Variants in MAML1 observed in about 807,000 individuals in gnomAD.
The protein encoded by MAML1 is mastermind-like protein 1.
MAML1 carries 14 observed loss-of-function variants against 77.1 expected under a neutral mutation model. The ratio of observed to expected loss-of-function variants is 0.18; its 90% CI spans 0.12 to 0.28. MAML1 has a LOEUF of 0.28. Among genes scored for constraint, MAML1 ranks in the 10% least tolerant of loss-of-function variants. The pLI, the probability that MAML1 is intolerant of heterozygous loss-of-function variation, is 1.00. For synonymous variants in MAML1, 516 were observed against 551.9 expected (o/e 0.93, Z 0.91); for missense variants, 1,217 against 1,327.8 (o/e 0.92, Z 1.30).
At chr5:179,753,358 T>A (rs1268375896) in intron 1 of MAML1, among the ~76,000 whole-genome samples, 1 of 152,206 alleles carries the variant, frequency 6.6e-6, no homozygotes, top group Non-Finnish European at 1.5e-5. Context: ...CGTTTTTACT[T>A]TTATTACCCT....
chr5:179,766,030 C>A lies in MAML1; in HGVS notation c.1020C>A (p.Ser340Arg). The A allele has an allele frequency of 6.3e-7, 1 of 1,594,658 alleles. No individual in the cohort carries two copies. The highest frequency in any genetic ancestry group is 8.5e-7 in the Non-Finnish European group (1 of 1,172,098). ...SSAPVSTDSPSLGGSQTLFHT... is the reference protein window; with the variant it reads ...SSAPVSTDSPRLGGSQTLFHT... ...CCCCTGTGAGTACAGATTCCCCCAG[C>A]CTAGGGGGCTCCCAAACCTTATTCC... Residue 340 changes from serine to arginine, a missense_variant, in exon 2 of 5, where the codon AGC becomes AGA. Physicochemically the swap from Ser to Arg is moderately radical, Grantham distance 110. Transcript: ENST00000292599. This position sits in a 1 kb window ranked among gnomAD's most constrained non-coding sequence, Gnocchi z 4.0.
At position 179,769,155 on chromosome 5, in the gene MAML1, A is replaced by C; in HGVS notation, c.1971+66A>C. The C allele has an allele frequency of 1.3e-6, 2 of 1,591,122 alleles. No individual in the cohort carries two copies. ...TGCCTGCACCCTGCGTCACTGCTAC[A>C]GTCACACCTTCTGCTTGTGCGTGTG... On this transcript the variant is annotated intron_variant, in intron 3 of 4. Coordinates refer to ENST00000292599, the MANE Select transcript of MAML1 (RefSeq NM_014757.5). The surrounding 1 kb of genome is among the most constrained non-coding windows in gnomAD (Gnocchi z 4.2).
rs747779862 is a variant in MAML1 at position 179,774,708 on chromosome 5, A to G, written c.2882A>G (p.Tyr961Cys). 1.3e-5 allele frequency: 21 copies of G among 1,610,750 alleles called. No homozygotes were observed. The highest frequency in any genetic ancestry group is 3.3e-4 in the Middle Eastern group (2 of 6,084). The change falls in exon 5 of 5, where the codon TAC (tyrosine) becomes TGC (cysteine). Residue 961 changes from tyrosine to cysteine, a missense_variant. This residue lies in a region of MAML1 where 884 missense variants were observed against 949.3 expected (regional missense o/e 0.93). Transcript: ENST00000292599. ...GRAGLHCTQA[Y>C]PVRTAGQELP... ...GCGGGGCTGCACTGCACCCAGGCCT[A>G]CCCTGTGCGGACCGCGGGCCAGGAG... is the stretch of plus-strand genomic sequence containing the variant.
intron 1 of MAML1, among the ~76,000 whole-genome samples, chr5:179,737,940 G>A (rs1215042823): frequency 2.0e-5 from 3 of 152,212 alleles, no homozygotes; most frequent in African/African-American, 4.8e-5. Context: ...GGGACTACAG[G>A]TGTGCACCAC....
intron 1 of MAML1, among the ~76,000 whole-genome samples, chr5:179,761,127 C>T (rs1359714981): frequency 6.6e-6 from 1 of 151,672 alleles, no homozygotes; most frequent in African/African-American, 2.4e-5. Context: ...GGTGCAATGG[C>T]TCACACCTGT....
intron 1 of MAML1, among the ~76,000 whole-genome samples, chr5:179,746,211 T>C (rs1263157758): frequency 6.6e-6 from 1 of 151,482 alleles, no homozygotes; most frequent in Non-Finnish European, 1.5e-5. Context: ...CCGGGTGTGG[T>C]GGCTGTTGCC....
chr5:179,774,398 A>C lies in MAML1; in HGVS notation c.2572A>C (p.Ser858Arg). ...SGQTPGNSNVSPFTAASSFHM... is the reference protein window; with the variant it reads ...SGQTPGNSNVRPFTAASSFHM... The stretch of plus-strand genomic sequence containing the variant: ...CCAGACCCCAGGGAACAGCAACGTG[A>C]GTCCCTTCACTGCAGCCTCCAGTTT... Residue 858 changes from serine (S) to arginine (R), a missense_variant, in exon 5 of 5, where the codon AGT becomes CGT. Coordinates refer to ENST00000292599, the MANE Select transcript of MAML1 (RefSeq NM_014757.5). 1.2e-6 allele frequency: 2 copies of C among 1,613,206 alleles called. No individual in the cohort carries two copies. Among genetic ancestry groups the C allele is most frequent in the East Asian group, 2.2e-5 (1 of 44,888 alleles).
rs1228043951 is a variant in MAML1 at position 179,771,793 on chromosome 5, A to C, written c.2068+550A>C. On this transcript the variant is annotated intron_variant, in intron 4 of 4. Transcript: ENST00000292599. The surrounding 1 kb of genome is among the most constrained non-coding windows in gnomAD (Gnocchi z 4.7). ...TAGGCCATCCCTCCAGAAATGCACAAAGATTTCAGGGAATGGATACAGGAA... is the reference window on the plus strand; with the variant it reads ...TAGGCCATCCCTCCAGAAATGCACACAGATTTCAGGGAATGGATACAGGAA... Among the ~76,000 whole-genome samples, 1 of 152,174 alleles carries C rather than the reference A, an allele frequency of 6.6e-6. No homozygotes were observed. The highest frequency in any genetic ancestry group is 2.4e-5 in the African/African-American group (1 of 41,442).
intron 1 of MAML1, among the ~76,000 whole-genome samples, chr5:179,735,995 TA>T (rs1289171551): frequency 6.6e-6 from 1 of 151,986 alleles, no homozygotes; most frequent in African/African-American, 2.4e-5. Context: ...CTATGCTATT[TA>T]TTTTTAGCAC....
In MAML1 at chr5:179,774,431, C is replaced by G; in HGVS notation, c.2605C>G (p.Gln869Glu). 6 of 1,612,918 alleles carry G rather than the reference C, an allele frequency of 3.7e-6. No individual in the cohort carries two copies. The highest frequency in any genetic ancestry group is 5.1e-6 in the Non-Finnish European group (6 of 1,179,740). Residue 869 changes from glutamine to glutamate, a missense_variant, in exon 5 of 5, where the codon CAG becomes GAG. Around this residue, in one of 3 missense-constraint regions of MAML1, gnomAD observed 884 missense variants for 949.3 expected, o/e 0.93. Transcript: ENST00000292599. Reference protein sequence around the residue: ...PFTAASSFHMQQQAHLKMSSP... With the variant: ...PFTAASSFHMEQQAHLKMSSP... ...CACTGCAGCCTCCAGTTTCCACATG[C>G]AGCAGCAGGCCCACCTGAAAATGTC...
intron 1 of MAML1, among the ~76,000 whole-genome samples, chr5:179,744,368 G>T (rs1779341127): frequency 6.6e-6 from 1 of 151,934 alleles, no homozygotes; most frequent in African/African-American, 2.4e-5. Flanking sequence ...TGTATTTTTA[G>T]TAGAGATGGG....
At chr5:179,757,587 C>T (rs1562563840) in intron 1 of MAML1, among the ~76,000 whole-genome samples, 1 of 151,912 alleles carries the variant, frequency 6.6e-6, no homozygotes, top group Admixed American at 6.6e-5. Flanking sequence ...AGAAGTATAG[C>T]AATGTGGAGT....
chr5:179,733,969 T>G (rs988884028), intron 1 of MAML1, among the ~76,000 whole-genome samples: 1 of 152,250 alleles, frequency 6.6e-6, no homozygotes, highest in African/African-American at 2.4e-5. Flanking sequence ...ATGAGTTGCA[T>G]ATAAGTATTC....
intron 1 of MAML1, among the ~76,000 whole-genome samples, chr5:179,752,850 C>T (rs536972322): frequency 2.6e-4 from 40 of 152,034 alleles, no homozygotes; most frequent in South Asian, 6.2e-4. Flanking sequence ...CTCGGCTCAC[C>T]GCAACCACCA....
intron 1 of MAML1, among the ~76,000 whole-genome samples, chr5:179,748,582 A>G (rs568249554): frequency 1.1e-4 from 17 of 152,324 alleles, no homozygotes; most frequent in Non-Finnish European, 2.4e-4. Flanking sequence ...CATCCGAATA[A>G]TAGGAATTAC....
At chr5:179,749,998 C>T (rs1779455084) in intron 1 of MAML1, among the ~76,000 whole-genome samples, 1 of 152,206 alleles carries the variant, frequency 6.6e-6, no homozygotes, top group Non-Finnish European at 1.5e-5. Flanking sequence ...TTTGTCAGCT[C>T]CCGGAGAAGC....
intron 1 of MAML1, among the ~76,000 whole-genome samples, chr5:179,746,625 G>A (rs1469091770): frequency 2.6e-5 from 4 of 151,960 alleles, no homozygotes; most frequent in Non-Finnish European, 5.9e-5. Context: ...GGTCCACCTC[G>A]GCCTCCCAAA....
intron 1 of MAML1, among the ~76,000 whole-genome samples, chr5:179,752,350 A>AAAAAATATATAT (rs1554150144): frequency 1.5e-5 from 1 of 66,722 alleles, no homozygotes; most frequent in African/African-American, 6.8e-5. Context: ...AAAAAAAAAA[A>AAAAAATATATAT]ATATATATAT....
chr5:179,760,164 G>A (rs1026902476), intron 1 of MAML1, among the ~76,000 whole-genome samples: 1 of 152,130 alleles, frequency 6.6e-6, no homozygotes, highest in African/African-American at 2.4e-5. Flanking sequence ...CAGAGGTGGG[G>A]CATCAGATGG....
Sources: allele counts gnomAD v4.1 joint callset (sites outside exome capture counted in the v4.1 genomes callset), GRCh38; gene constraint gnomAD v4.1.1; regional missense constraint gnomAD v4.1.1; non-coding constraint Gnocchi (gnomAD v3.1); transcripts MANE v1.5; gene names NCBI Gene and HGNC (gene_info 2026-07-23, HGNC 2026-07-21).